ABTB3: variants seen among roughly 807,000 people sequenced by gnomAD.
ABTB3 encodes ankyrin repeat- and BTB/POZ domain-containing protein 3.
At chr12:107,433,150 C>A in the ABTB3 span, among the ~76,000 whole-genome samples, 9 of 151,030 alleles carry the variant, frequency 6.0e-5, no homozygotes, top group Non-Finnish European at 1.2e-4. Flanking sequence ...ATTAGCCGGG[C>A]GCGGTGGCGG....
the ABTB3 span, among the ~76,000 whole-genome samples, chr12:107,644,847 G>A: frequency 6.6e-6 from 1 of 152,200 alleles, no homozygotes; most frequent in East Asian, 1.9e-4. Context: ...GGATGAAGCT[G>A]GATTACAGGC....
the ABTB3 span, among the ~76,000 whole-genome samples, chr12:107,442,949 G>A: frequency 1.3e-5 from 2 of 152,140 alleles, no homozygotes; most frequent in Admixed American, 6.5e-5. Flanking sequence ...GGTGAAGGCC[G>A]GCTTCCTGGT....
the ABTB3 span, among the ~76,000 whole-genome samples, chr12:107,430,492 T>C: frequency 5.9e-5 from 9 of 152,256 alleles, no homozygotes; most frequent in African/African-American, 2.2e-4. Flanking sequence ...TTTCCCACAC[T>C]CTTGGCTTTC....
At chr12:107,638,315 C>A in the ABTB3 span, among the ~76,000 whole-genome samples, 2 of 152,142 alleles carry the variant, frequency 1.3e-5, no homozygotes, top group Admixed American at 6.5e-5. Context: ...AAGGCAAATT[C>A]TGGGTCCAAG....
the ABTB3 span, among the ~76,000 whole-genome samples, chr12:107,472,193 G>A: frequency 1.3e-5 from 2 of 152,228 alleles, no homozygotes; most frequent in South Asian, 4.1e-4. Flanking sequence ...GGCTGGAGAA[G>A]TTCCAGAGCA....
the ABTB3 span, among the ~76,000 whole-genome samples, chr12:107,477,694 A>T: frequency 1.3e-5 from 2 of 152,212 alleles, no homozygotes; most frequent in Non-Finnish European, 2.9e-5. Context: ...TCTAGAACGG[A>T]TTAAAGTTTG....
the ABTB3 span, among the ~76,000 whole-genome samples, chr12:107,450,418 C>A: frequency 6.6e-6 from 1 of 152,042 alleles, no homozygotes; most frequent in Non-Finnish European, 1.5e-5. Context: ...CTCCATCCCT[C>A]GATGGAGTGC....
chr12:107,430,940 A>G, the ABTB3 span, among the ~76,000 whole-genome samples: 3 of 152,242 alleles, frequency 2.0e-5, no homozygotes, highest in Non-Finnish European at 2.9e-5. Context: ...ACAATTTTTA[A>G]AACACACCAC....
chr12:107,630,622 T>A, the ABTB3 span, among the ~76,000 whole-genome samples: 14 of 151,708 alleles, frequency 9.2e-5, no homozygotes, highest in African/African-American at 1.7e-4. Flanking sequence ...AAAAAAAAAA[T>A]TTAAAGACAG....
the ABTB3 span, among the ~76,000 whole-genome samples, chr12:107,350,891 G>A: frequency 2.6e-5 from 4 of 152,170 alleles, no homozygotes; most frequent in Admixed American, 2.0e-4. Context: ...AAGCCTGAAA[G>A]CCTAAAGTCT....
At chr12:107,570,237 CAG>C in the ABTB3 span, among the ~76,000 whole-genome samples, 39,240 of 151,966 alleles carry the variant, frequency 0.26, 5,165 homozygotes, top group East Asian at 0.32. Flanking sequence ...TTTCCCAAGA[CAG>C]AGTCTCACTC....
chr12:107,480,081 G>A, the ABTB3 span, among the ~76,000 whole-genome samples: 4 of 152,200 alleles, frequency 2.6e-5, no homozygotes, highest in Non-Finnish European at 5.9e-5. Flanking sequence ...GAAGGATGTG[G>A]ACTTTGAGCC....
the ABTB3 span, among the ~76,000 whole-genome samples, chr12:107,563,544 A>G: frequency 6.6e-6 from 1 of 152,292 alleles, no homozygotes; most frequent in South Asian, 2.1e-4. Context: ...TGCCCCTACA[A>G]TTCATGTGGT....
chr12:107,359,797 C>T, the ABTB3 span, among the ~76,000 whole-genome samples: 1 of 152,126 alleles, frequency 6.6e-6, no homozygotes, highest in South Asian at 2.1e-4. Flanking sequence ...TTGCCCAAGA[C>T]TGGGGTTTGA....
chr12:107,342,191 G>A, the ABTB3 span, among the ~76,000 whole-genome samples: 3 of 151,992 alleles, frequency 2.0e-5, no homozygotes, highest in Non-Finnish European at 4.4e-5. Context: ...CTGAGTTTCC[G>A]TTGGGTCCAG....
chr12:107,398,117 T>C, the ABTB3 span, among the ~76,000 whole-genome samples: 1 of 152,102 alleles, frequency 6.6e-6, no homozygotes, highest in South Asian at 2.1e-4. Flanking sequence ...TTACAGACCT[T>C]TCCATTACAC....
chr12:107,453,193 A>G, the ABTB3 span, among the ~76,000 whole-genome samples: 1 of 152,200 alleles, frequency 6.6e-6, no homozygotes, highest in Admixed American at 6.5e-5. Context: ...GCAGCATAAG[A>G]TGAGGCCAGG....
At chr12:107,383,104 G>A in the ABTB3 span, among the ~76,000 whole-genome samples, 174 of 152,200 alleles carry the variant, frequency 1.1e-3, no homozygotes, top group Admixed American at 2.5e-3. Flanking sequence ...CCACTCTGAG[G>A]ATCATTCCAG....
At chr12:107,610,909 C>T in the ABTB3 span, among the ~76,000 whole-genome samples, 4 of 152,256 alleles carry the variant, frequency 2.6e-5, no homozygotes, top group Non-Finnish European at 4.4e-5. Context: ...TGTGGTGAAC[C>T]GTCATGGACA....
Sources: gnomAD v4.1 joint callset for allele counts (sites outside exome capture counted in the v4.1 genomes callset) on GRCh38, gnomAD v4.1.1 for gene constraint, MANE v1.5 for transcripts, NCBI Gene and HGNC (gene_info 2026-07-23, HGNC 2026-07-21) for gene names.